Variants in CEP55 observed in about 807,000 individuals in gnomAD.
CEP55 encodes the protein centrosomal protein of 55 kDa.
CEP55 carries 57 observed loss-of-function variants against 63.2 expected under a neutral mutation model. The observed-to-expected ratio is 0.90, with a 90% confidence interval of 0.73 to 1.13. CEP55 has a LOEUF of 1.13. Among genes scored for constraint, CEP55 ranks in the 50% most tolerant of loss-of-function variants. The pLI is 0.00. For synonymous variants in CEP55, 178 were observed against 191.6 expected (o/e 0.93, Z 0.59); for missense variants, 456 against 518.9 (o/e 0.88, Z 1.18).
Position 93,507,011 on chromosome 10 carries a change from C to T in CEP55, c.483C>T (p.Asn161=). Residue 161 remains asparagine, a synonymous_variant, in exon 4 of 9, where the codon AAC becomes AAT. Transcript: ENST00000371485. ...AGACTGTGGCTCCAAACTGCTTCAA[C>T]TCATCAATAAATAATATTCATGAAA... is the stretch of plus-strand genomic sequence containing the variant. ...LSQTVAPNCF[N]SSINNIHEME... 1 of 1,589,576 alleles carries T rather than the reference C, an allele frequency of 6.3e-7. No individual in the cohort carries two copies. Among genetic ancestry groups the T allele is most frequent in the Non-Finnish European group, 8.6e-7 (1 of 1,158,140 alleles).
chr10:93,511,705 T>C (rs2057751781), intron 4 of CEP55, among the ~76,000 whole-genome samples: 1 of 152,012 alleles, frequency 6.6e-6, no homozygotes. Context: ...TGGGCTCAAG[T>C]GATTCTCTTG....
At chr10:93,521,772 A>C (rs1377451312) in intron 8 of CEP55, among the ~76,000 whole-genome samples, 1 of 152,174 alleles carries the variant, frequency 6.6e-6, no homozygotes, top group African/African-American at 2.4e-5. Context: ...TCAGGCAGCA[A>C]CATTTGCTGT....
intron 4 of CEP55, among the ~76,000 whole-genome samples, chr10:93,513,000 G>A (rs556331518): frequency 4.9e-4 from 74 of 152,240 alleles, no homozygotes; most frequent in African/African-American, 1.7e-3. Flanking sequence ...TATCTACCAC[G>A]AAGTTTCAAT....
intron 4 of CEP55, among the ~76,000 whole-genome samples, chr10:93,513,899 T>C (rs1046227821): frequency 1.3e-5 from 2 of 151,956 alleles, no homozygotes; most frequent in East Asian, 1.9e-4. Context: ...CTCACCCTAC[T>C]CCAGTATGGC....
intron 1 of CEP55, among the ~76,000 whole-genome samples, chr10:93,498,959 G>T (rs903273450): frequency 3.9e-5 from 6 of 151,954 alleles, no homozygotes; most frequent in Non-Finnish European, 2.9e-5. Flanking sequence ...TGGGATACAT[G>T]AAGTAGAAAA....
chr10:93,502,789 T>C (rs1194415101), intron 2 of CEP55, among the ~76,000 whole-genome samples: 1 of 152,238 alleles, frequency 6.6e-6, no homozygotes, highest in Non-Finnish European at 1.5e-5. Flanking sequence ...GAAGAATGAT[T>C]ACCAAATACT....
chr10:93,522,904 C>G (rs533048779), intron 8 of CEP55, among the ~76,000 whole-genome samples: 1 of 152,242 alleles, frequency 6.6e-6, no homozygotes, highest in African/African-American at 2.4e-5. Context: ...ATTTTGTCAC[C>G]ACCAGGCCTG....
chr10:93,511,422 C>T (rs1253497514), intron 4 of CEP55, among the ~76,000 whole-genome samples: 1 of 152,134 alleles, frequency 6.6e-6, no homozygotes, highest in Non-Finnish European at 1.5e-5. Context: ...TAGCTATCAA[C>T]TCCGTGTATT....
At chr10:93,520,222 T>G (rs1222105769) in intron 8 of CEP55, 1 of 193,534 alleles carries the variant, frequency 5.2e-6, no homozygotes, top group East Asian at 1.5e-4. Context: ...GGTCAGGAGT[T>G]GGAGACCAGC....
intron 5 of CEP55, 130 bp from the exon 6 acceptor site, chr10:93,516,805 C>A: frequency 1.6e-6 from 1 of 638,896 alleles, no homozygotes; most frequent in Non-Finnish European, 2.6e-6. Flanking sequence ...CAACCATAGT[C>A]CCTATCTCTT....
chr10:93,498,809 CT>C (rs34668405), intron 1 of CEP55, among the ~76,000 whole-genome samples: 166 of 143,096 alleles, frequency 1.2e-3, no homozygotes, highest in Non-Finnish European at 1.3e-3. Flanking sequence ...GGGAACATGT[CT>C]TTTTTTTTTT....
intron 8 of CEP55, among the ~76,000 whole-genome samples, chr10:93,523,586 G>T (rs557938836): frequency 6.6e-6 from 1 of 152,230 alleles, no homozygotes; most frequent in African/African-American, 2.4e-5. Context: ...GCACCAAGCG[G>T]ACCTAATAGA....
At chr10:93,525,295 AAC>A (rs1180637697) in intron 8 of CEP55, among the ~76,000 whole-genome samples, 1 of 151,924 alleles carries the variant, frequency 6.6e-6, no homozygotes, top group Non-Finnish European at 1.5e-5. Context: ...ATACACCAAT[AAC>A]AGACAGAGAG....
intron 4 of CEP55, among the ~76,000 whole-genome samples, chr10:93,508,076 C>T (rs113569217): frequency 5.9e-5 from 9 of 152,270 alleles, no homozygotes; most frequent in Admixed American, 3.3e-4. Context: ...GAAAAGGAAA[C>T]GTTCTTTGTA....
intron 8 of CEP55, among the ~76,000 whole-genome samples, chr10:93,525,287 A>G (rs2057909923): frequency 6.6e-6 from 1 of 152,184 alleles, no homozygotes; most frequent in Non-Finnish European, 1.5e-5. Context: ...GCATTCTTAT[A>G]CACCAATAAC....
At chr10:93,526,282 T>C (rs2057920781) in intron 8 of CEP55, among the ~76,000 whole-genome samples, 1 of 152,066 alleles carries the variant, frequency 6.6e-6, no homozygotes, top group Non-Finnish European at 1.5e-5. Flanking sequence ...AGGATATGAA[T>C]AGACACTTCT....
intron 4 of CEP55, among the ~76,000 whole-genome samples, chr10:93,513,222 C>CT (rs1229269822): frequency 1.3e-5 from 2 of 152,200 alleles, no homozygotes; most frequent in Non-Finnish European, 2.9e-5. Context: ...TGGGCTAAGT[C>CT]TTTGATTTTA....
chr10:93,522,605 C>A (rs541597741), intron 8 of CEP55, among the ~76,000 whole-genome samples: 1 of 151,986 alleles, frequency 6.6e-6, no homozygotes, highest in Admixed American at 6.6e-5. Context: ...AGATACTCCT[C>A]GAGAAGAGCA....
At chr10:93,522,086 G>A (rs1239016727) in intron 8 of CEP55, among the ~76,000 whole-genome samples, 1 of 152,224 alleles carries the variant, frequency 6.6e-6, no homozygotes, top group Non-Finnish European at 1.5e-5. Flanking sequence ...GAACAAAGCT[G>A]GATGGAGAAT....
Sources: allele counts gnomAD v4.1 joint callset (sites outside exome capture counted in the v4.1 genomes callset), GRCh38; gene constraint gnomAD v4.1.1; transcripts MANE v1.5; gene names NCBI Gene and HGNC (gene_info 2026-07-23, HGNC 2026-07-21).